Variants in SERPINB10 observed in about 807,000 individuals in gnomAD.
SERPINB10 encodes the protein serpin B10.
SERPINB10 carries 35 observed loss-of-function variants against 39.1 expected under a neutral mutation model. The observed-to-expected ratio is 0.90, with a 90% confidence interval of 0.68 to 1.19. The LOEUF (loss-of-function observed/expected upper bound fraction) is 1.19, where lower values mean the gene tolerates loss of function less well. SERPINB10 is among the 50% of genes most tolerant of loss of function. SERPINB10 has a pLI of 0.00. For synonymous variants in SERPINB10, 190 were observed against 158.1 expected, an observed-to-expected ratio of 1.20 and a Z score of -1.52; for missense variants, 546 against 460.5, an observed-to-expected ratio of 1.19 and a Z score of -1.70.
At chr18:63,910,329 G>A (rs2050054775) in intron 1 of SERPINB10, among the ~76,000 whole-genome samples, 1 of 151,966 alleles carries the variant, frequency 6.6e-6, no homozygotes, top group Non-Finnish European at 1.5e-5. Context: ...TTTTGACTCA[G>A]AGGGTACATA....
rs1469447290 is a variant in SERPINB10 at position 63,917,554 on chromosome 18, T to C, written c.234+33T>C. 7.1e-6 allele frequency: 9 copies of C among 1,269,964 alleles called. No individual in the cohort carries two copies. In the South Asian group the frequency reaches 1.4e-4, roughly 19 times the overall value. 78.7% of individuals were successfully genotyped at this position (1,269,964 alleles called of 1,614,324 possible). ...TTATCCTTTAATATATATTTCATAA[T>C]TAAGGAAAAAGTACTTTTAGCACAT... On this transcript the variant is annotated intron_variant, in intron 3 of 7. Transcript: ENST00000238508.
chr18:63,914,253 G>T (rs2050086234), intron 1 of SERPINB10, among the ~76,000 whole-genome samples: 1 of 151,982 alleles, frequency 6.6e-6, no homozygotes, highest in Non-Finnish European at 1.5e-5. Context: ...ATGGTGTTTA[G>T]CCCATTTACA....
chr18:63,915,376 T>C, intron 1 of SERPINB10, 126 bp from the exon 2 acceptor site: 1 of 542,590 alleles, frequency 1.8e-6, no homozygotes, highest in Non-Finnish European at 3.1e-6. Context: ...AGAATTTTGC[T>C]AAAGTCTATT....
chr18:63,921,256 G>A (rs1490583172), intron 5 of SERPINB10, among the ~76,000 whole-genome samples: 1 of 151,876 alleles, frequency 6.6e-6, no homozygotes, highest in African/African-American at 2.4e-5. Context: ...ATGTTTTGCT[G>A]TCTTCTCCTC....
chr18:63,917,295 CTTATT>C (rs1287599584), intron 2 of SERPINB10, among the ~76,000 whole-genome samples, 156 bp from the exon 3 acceptor site: 1 of 151,962 alleles, frequency 6.6e-6, no homozygotes, highest in Non-Finnish European at 1.5e-5. Flanking sequence ...CAGTTCTTGA[CTTATT>C]TTATTACACA....
chr18:63,912,306 C>T (rs1311349716), intron 1 of SERPINB10, among the ~76,000 whole-genome samples: 1 of 151,926 alleles, frequency 6.6e-6, no homozygotes, highest in Non-Finnish European at 1.5e-5. Context: ...CTGGCCAGGA[C>T]TTCTAGTACT....
At chr18:63,932,429 T>A (rs1361681375) in intron 6 of SERPINB10, among the ~76,000 whole-genome samples, 1 of 152,200 alleles carries the variant, frequency 6.6e-6, no homozygotes, top group Non-Finnish European at 1.5e-5. Context: ...TGTTTCATAT[T>A]TTAGCCATTC....
intron 5 of SERPINB10, among the ~76,000 whole-genome samples, chr18:63,925,598 C>A (rs187190015): frequency 6.6e-6 from 1 of 151,954 alleles, no homozygotes; most frequent in Admixed American, 6.6e-5. Flanking sequence ...TGGATTATAA[C>A]CCATAGAATA....
At chr18:63,926,782 T>C (rs2050184608) in intron 5 of SERPINB10, among the ~76,000 whole-genome samples, 1 of 152,066 alleles carries the variant, frequency 6.6e-6, no homozygotes, top group African/African-American at 2.4e-5. Context: ...CTGATGAAAT[T>C]TAAATATGAC....
intron 5 of SERPINB10, among the ~76,000 whole-genome samples, chr18:63,926,909 G>C (rs1018845880): frequency 1.6e-4 from 25 of 151,910 alleles, no homozygotes; most frequent in African/African-American, 5.8e-4. Context: ...TGTATCACTA[G>C]GATGTAATTA....
chr18:63,935,052 A>T lies in SERPINB10; in HGVS notation c.1004A>T (p.Asn335Ile). The change falls in exon 8 of 8, where the codon AAT becomes ATT. Residue 335 changes from asparagine to isoleucine, a missense_variant. By Grantham distance (149) the Asn-to-Ile change is moderately radical (BLOSUM62 -3). Transcript: ENST00000238508. ...MSSARNLFLSNVFHKAFVEIN... is the reference protein window; with the variant it reads ...MSSARNLFLSIVFHKAFVEIN... ...TCAGCAAGAAACCTATTTTTGTCCA[A>T]TGTTTTCCATAAGGCTTTTGTGGAA... 3.1e-6 allele frequency: 5 copies of T among 1,614,132 alleles called. No homozygotes were observed. Among genetic ancestry groups the T allele is most frequent in the Non-Finnish European group, 4.2e-6 (5 of 1,180,018 alleles).
intron 1 of SERPINB10, among the ~76,000 whole-genome samples, chr18:63,914,026 T>C (rs1363198910): frequency 6.6e-6 from 1 of 152,118 alleles, no homozygotes; most frequent in African/African-American, 2.4e-5. Context: ...AATACCCTTC[T>C]TTGTCACTTT....
intron 6 of SERPINB10, 93 bp downstream of exon 6, chr18:63,930,280 T>C: frequency 1.5e-5 from 21 of 1,372,630 alleles, no homozygotes; most frequent in Non-Finnish European, 2.0e-5. Flanking sequence ...TTGTATGTTC[T>C]AGTGAACTAT....
rs2050254614 is a variant in SERPINB10 at position 63,935,216 on chromosome 18, T to C, written c.1168T>C (p.Phe390Leu). ...GCACAATAAAACCAACACCATTCTT[T>C]TTTATGGAAGATTATGCTCCCCCTA... ...IRHNKTNTIL[F>L]YGRLCSP The change falls in exon 8 of 8, where the codon TTT (phenylalanine) becomes CTT (leucine). Residue 390 changes from phenylalanine to leucine, a missense_variant. By Grantham distance (22) the Phe-to-Leu change is conservative. Coordinates refer to ENST00000238508, the MANE Select transcript of SERPINB10 (RefSeq NM_005024.3). 6.3e-7 allele frequency: 1 copy of C among 1,598,994 alleles called. No individual in the cohort carries two copies. The highest frequency in any genetic ancestry group is 8.5e-7 in the Non-Finnish European group (1 of 1,173,016).
At chr18:63,913,951 A>C (rs1015654549) in intron 1 of SERPINB10, among the ~76,000 whole-genome samples, 1 of 57,736 alleles carries the variant, frequency 1.7e-5, no homozygotes, top group African/African-American at 7.3e-5. Flanking sequence ...TGTTGGGTGC[A>C]TATACGTTTA....
chr18:63,910,307 T>C (rs1440339641), intron 1 of SERPINB10, among the ~76,000 whole-genome samples: 1 of 152,016 alleles, frequency 6.6e-6, no homozygotes, highest in Non-Finnish European at 1.5e-5. Context: ...TTTAAATAAT[T>C]TCAGTTTTTA....
chr18:63,913,740 A>G (rs1267089238), intron 1 of SERPINB10, among the ~76,000 whole-genome samples: 2 of 152,038 alleles, frequency 1.3e-5, no homozygotes, highest in East Asian at 3.9e-4. Flanking sequence ...AAGAATGTAT[A>G]TTTTGTGGTT....
In SERPINB10 at chr18:63,915,627, G is replaced by C. The variant is rs767003165; in HGVS notation, c.117G>C (p.Leu39Phe). Residue 39 changes from leucine to phenylalanine, a missense_variant, in exon 2 of 8, where the codon TTG (leucine) becomes TTC (phenylalanine). Physicochemically the swap from Leu to Phe is conservative, Grantham distance 22. Coordinates refer to ENST00000238508, the MANE Select transcript of SERPINB10 (RefSeq NM_005024.3). Reference sequence around the variant, plus strand: ...CTTCCTGGAGCATCTCAACTTCCTTGACCATAGTGTATTTGGGCGCCAAAG... The same window carrying C: ...CTTCCTGGAGCATCTCAACTTCCTTCACCATAGTGTATTTGGGCGCCAAAG... The part of the protein sequence containing the change: ...FFSSWSISTS[L>F]TIVYLGAKGT... 2.5e-6 allele frequency: 4 copies of C among 1,612,638 alleles called. No individual in the cohort carries two copies. The highest frequency in any genetic ancestry group is 3.3e-5 in the Admixed American group (2 of 59,832).
intron 6 of SERPINB10, 36 bp downstream of exon 6, chr18:63,930,223 A>G: frequency 6.2e-7 from 1 of 1,600,804 alleles, no homozygotes; most frequent in Non-Finnish European, 8.5e-7. Context: ...GGATTTTCAC[A>G]TGGCATTGTA....
Sources: gnomAD v4.1 joint callset for allele counts (sites outside exome capture counted in the v4.1 genomes callset) on GRCh38, gnomAD v4.1.1 for gene constraint, MANE v1.5 for transcripts, NCBI Gene and HGNC (gene_info 2026-07-23, HGNC 2026-07-21) for gene names.